RUNX1: variants seen among roughly 807,000 people sequenced by gnomAD.
RUNX1 encodes RUNX family transcription factor 1, also known as runt-related transcription factor 1.
Under a neutral mutation model 42.8 loss-of-function variants are expected in RUNX1, and 19 were observed. The ratio of observed to expected loss-of-function variants is 0.44; its 90% CI spans 0.31 to 0.65. RUNX1 has a LOEUF of 0.65. Among genes scored for constraint, RUNX1 ranks in the 30% least tolerant of loss-of-function variants. RUNX1 has a pLI of 0.07. For missense variants in RUNX1, 528 were observed against 672.0 expected, an observed-to-expected ratio of 0.79 and a Z score of 2.37; for synonymous variants, 271 against 289.4, an observed-to-expected ratio of 0.94 and a Z score of 0.64.
intron 2 of RUNX1, among the ~76,000 whole-genome samples, chr21:34,915,796 G>A (rs543137430): frequency 6.6e-6 from 1 of 152,180 alleles, no homozygotes; most frequent in Admixed American, 6.5e-5. Flanking sequence ...GTGTTATTTT[G>A]CTGAGATAGA....
At chr21:35,044,162 G>A (rs1284909854) in intron 2 of RUNX1, among the ~76,000 whole-genome samples, 1 of 152,216 alleles carries the variant, frequency 6.6e-6, no homozygotes, top group Non-Finnish European at 1.5e-5. Flanking sequence ...GGTGGACTGA[G>A]TTACCCACTG....
chr21:34,880,846 A>G, intron 4 of RUNX1, 133 bp from the exon 5 acceptor site: 1 of 902,636 alleles, frequency 1.1e-6, no homozygotes, highest in Non-Finnish European at 1.7e-6. Flanking sequence ...AGGAATAGCA[A>G]TGATAACTTA....
chr21:34,959,819 G>C (rs768297804), intron 2 of RUNX1, among the ~76,000 whole-genome samples: 39 of 152,128 alleles, frequency 2.6e-4, no homozygotes, highest in Non-Finnish European at 4.6e-4. Flanking sequence ...TCTGGGGAGA[G>C]GCTGATCCCT....
chr21:34,819,296 C>T (rs1601387852), intron 7 of RUNX1, among the ~76,000 whole-genome samples: 2 of 152,168 alleles, frequency 1.3e-5, no homozygotes, highest in Non-Finnish European at 1.5e-5. Flanking sequence ...GCCCAGAGCT[C>T]GAGCCCCCGG....
At chr21:34,834,117 T>C (rs1355194860) in intron 7 of RUNX1, 2 of 627,520 alleles carry the variant, frequency 3.2e-6, no homozygotes, top group East Asian at 6.1e-5. Flanking sequence ...TCAAGAGAGC[T>C]ATCTATCCAA....
intron 2 of RUNX1, among the ~76,000 whole-genome samples, chr21:34,966,087 T>A (rs1184240122): frequency 6.6e-6 from 1 of 152,194 alleles, no homozygotes; most frequent in East Asian, 1.9e-4. Context: ...GCTCTTGCAT[T>A]TCTTACCCCA....
intron 2 of RUNX1, among the ~76,000 whole-genome samples, chr21:35,005,128 GT>G (rs11324084): frequency 0.02 from 2,919 of 147,232 alleles, 71 homozygotes; most frequent in African/African-American, 0.061. Context: ...CAGAAATCAT[GT>G]TTTTTTTTTT....
intron 5 of RUNX1, among the ~76,000 whole-genome samples, chr21:34,870,928 A>G (rs1438489638): frequency 6.6e-6 from 1 of 152,182 alleles, no homozygotes; most frequent in Non-Finnish European, 1.5e-5. Flanking sequence ...ACTGCATTCC[A>G]GCCTGGTGAC....
intron 7 of RUNX1, among the ~76,000 whole-genome samples, chr21:34,824,283 C>G (rs1173328976): frequency 6.6e-6 from 1 of 152,190 alleles, no homozygotes; most frequent in Non-Finnish European, 1.5e-5. Flanking sequence ...GTGGTACATT[C>G]TTCCCCTATC....
intron 6 of RUNX1, among the ~76,000 whole-genome samples, chr21:34,853,287 G>A (rs910836815): frequency 6.6e-6 from 1 of 152,152 alleles, no homozygotes; most frequent in African/African-American, 2.4e-5. Context: ...CTGCAGCCCT[G>A]CCGGGGAAAA....
rs367689517 is a variant in RUNX1 at position 35,048,937 on chromosome 21, G to A, written c.-38C>T. ...AAAATGCACCCTCTTCTGAAGGCGG[G>A]GGACTCAATGATTTCTTTTACCTTC... On this transcript the variant is annotated 5_prime_UTR_variant, in exon 2 of 9. Coordinates refer to ENST00000675419, the MANE Select transcript of RUNX1 (RefSeq NM_001754.5). The A allele has an allele frequency of 1.9e-6, 3 of 1,590,036 alleles. No individual in the cohort carries two copies. Among genetic ancestry groups the A allele is most frequent in the Non-Finnish European group, 2.6e-6 (3 of 1,158,592 alleles).
chr21:34,923,832 G>A lies in RUNX1; in HGVS notation c.59-30869C>T, dbSNP rs569698156. ...TGGAGTTTACTTAGTAGATCTCTTC[G>A]ATTTGGCCTTGACTCCCACCTTGCC... is the stretch of plus-strand genomic sequence containing the variant. On this transcript the variant is annotated intron_variant, in intron 2 of 8. Transcript: ENST00000675419. 1.1e-3 allele frequency among the ~76,000 whole-genome samples: 126 copies of A among 114,086 alleles called. 9 individuals are homozygous for A. The highest frequency in any genetic ancestry group is 8.6e-3 in the Middle Eastern group (2 of 232). The allele number at this position is 114,086 out of a possible 152,430, so 74.8% of individuals were successfully genotyped here. A position where few individuals can be genotyped will look rare whatever the true frequency, so the allele number is the denominator to read the frequency against.
chr21:35,022,621 G>A lies in RUNX1; in HGVS notation c.58+26221C>T, dbSNP rs892360171. 3.9e-5 allele frequency among the ~76,000 whole-genome samples: 6 copies of A among 152,270 alleles called. 1 individual carries two copies. In the South Asian group the frequency reaches 6.2e-4, roughly 16 times the overall value. On this transcript the variant is annotated intron_variant, in intron 2 of 8. Transcript: ENST00000675419. Reference sequence around the variant, plus strand: ...TAAAATAATAAGGCAGAGGCTGGGCGCTGTAGCTCAGGCCTGTAATCCCAG... The same window carrying A: ...TAAAATAATAAGGCAGAGGCTGGGCACTGTAGCTCAGGCCTGTAATCCCAG...
chr21:34,822,734 A>G (rs1422274733), intron 7 of RUNX1, among the ~76,000 whole-genome samples: 2 of 152,236 alleles, frequency 1.3e-5, no homozygotes, highest in Admixed American at 1.3e-4. Flanking sequence ...GCTGACTTTT[A>G]CAGATATTTT....
chr21:34,909,208 TC>T (rs1236044377), intron 2 of RUNX1, among the ~76,000 whole-genome samples: 2 of 152,036 alleles, frequency 1.3e-5, no homozygotes, highest in African/African-American at 4.8e-5. Flanking sequence ...CCGTGTGCAG[TC>T]CCCATGCTCC....
chr21:34,874,005 T>C (rs1431382067), intron 5 of RUNX1, among the ~76,000 whole-genome samples: 2 of 152,216 alleles, frequency 1.3e-5, no homozygotes, highest in Non-Finnish European at 2.9e-5. Context: ...TGCTCACTTA[T>C]TAATTTCCAT....
intron 5 of RUNX1, among the ~76,000 whole-genome samples, chr21:34,871,721 A>T (rs1364872341): frequency 6.6e-6 from 1 of 152,120 alleles, no homozygotes; most frequent in Non-Finnish European, 1.5e-5. Flanking sequence ...AAACCCACAA[A>T]CCTTGGTCCT....
Position 34,792,309 on chromosome 21 carries a change from G to GGGGGGCC in RUNX1, c.1268_1269insGGCCCCC (p.Ser424AlafsTer178). The GGGGGGCC allele has an allele frequency of 1.9e-6, 3 of 1,542,486 alleles. No homozygotes were observed. Among genetic ancestry groups the GGGGGGCC allele is most frequent in the Non-Finnish European group, 2.6e-6 (3 of 1,145,404 alleles). On this transcript the variant is annotated frameshift_variant, in exon 9 of 9. Transcript: ENST00000675419. LOFTEE classifies it high-confidence loss of function. The surrounding 1 kb of genome is among the most constrained non-coding windows in gnomAD (Gnocchi z 6.9). ...AGGGCGGCAGGATGCGCGGCGGCGA[G>GGGGGGCC]CGCTCGCCGCCCACCATGGAGAACT...
Position 34,788,949 on chromosome 21 carries a change from A to C in RUNX1, c.*3186T>G. On this transcript the variant is annotated 3_prime_UTR_variant, in exon 9 of 9. Coordinates refer to ENST00000675419, the MANE Select transcript of RUNX1 (RefSeq NM_001754.5). ...TTTCAAGGCAGAAATCTGCAATCCT[A>C]AATTGCAGGACATTTGAGTGGAACC... The C allele has an allele frequency of 4.3e-6, 1 of 233,348 alleles. No individual in the cohort carries two copies. Among genetic ancestry groups the C allele is most frequent in the Non-Finnish European group, 8.5e-6 (1 of 118,068 alleles). The allele number at this position is 233,348 out of a possible 1,614,324, so 14.5% of individuals were successfully genotyped here.
Sources: allele counts gnomAD v4.1 joint callset (sites outside exome capture counted in the v4.1 genomes callset), GRCh38; gene constraint gnomAD v4.1.1; non-coding constraint Gnocchi (gnomAD v3.1); transcripts MANE v1.5; gene names NCBI Gene and HGNC (gene_info 2026-07-23, HGNC 2026-07-21).